Variants in BMP2K observed in about 807,000 individuals in gnomAD.
BMP2K encodes the protein BMP-2-inducible protein kinase.
Under a neutral mutation model 116.0 loss-of-function variants are expected in BMP2K, and 74 were observed. The observed-to-expected ratio is 0.64, with a 90% CI of 0.53 to 0.77. The LOEUF (loss-of-function observed/expected upper bound fraction) is 0.77. BMP2K is among the 30% of genes least tolerant of loss of function. BMP2K has a pLI of 0.00. For synonymous variants in BMP2K, 486 were observed against 502.5 expected (o/e 0.97, Z 0.44); for missense variants, 1,365 against 1,403.6 (o/e 0.97, Z 0.44).
intron 3 of BMP2K, among the ~76,000 whole-genome samples, chr4:78,835,111 G>A (rs567877713): frequency 6.6e-6 from 1 of 152,230 alleles, no homozygotes; most frequent in South Asian, 2.1e-4. Flanking sequence ...TAATTTAATT[G>A]TCACTTAGAA....
intron 7 of BMP2K, among the ~76,000 whole-genome samples, chr4:78,856,136 G>GGA (rs1731495993): frequency 6.6e-6 from 1 of 152,066 alleles, no homozygotes. Flanking sequence ...ATTATTTGCA[G>GGA]GAGAAAATGG....
chr4:78,852,537 C>T (rs1200794375), intron 7 of BMP2K, among the ~76,000 whole-genome samples: 1 of 152,024 alleles, frequency 6.6e-6, no homozygotes, highest in African/African-American at 2.4e-5. Context: ...GATTTTAAAA[C>T]CATAACTTAC....
chr4:78,875,604 T>A (rs546891098), intron 13 of BMP2K, among the ~76,000 whole-genome samples: 2 of 152,350 alleles, frequency 1.3e-5, no homozygotes, highest in African/African-American at 4.8e-5. Context: ...CAGTTAACAT[T>A]TATTATCTTA....
At chr4:78,866,537 G>T (rs1428294038) in intron 10 of BMP2K, among the ~76,000 whole-genome samples, 1 of 152,078 alleles carries the variant, frequency 6.6e-6, no homozygotes, top group Non-Finnish European at 1.5e-5. Flanking sequence ...GGATTAAATG[G>T]CTGTTTAATG....
Position 78,861,479 on chromosome 4 carries a change from C to T in BMP2K, c.1067+11C>T. ...CCAAATAAAAGCCAGGTAGGCAAAA[C>T]TATGCTGAAATTGAAAAGGCATTAA... On this transcript the variant is annotated intron_variant, in intron 9 of 15. Coordinates refer to ENST00000502613, the MANE Select transcript of BMP2K (RefSeq NM_198892.2). The T allele has an allele frequency of 6.3e-7, 1 of 1,594,248 alleles. No individual in the cohort carries two copies.
chr4:78,842,328 T>C, intron 3 of BMP2K, 57 bp from the exon 4 acceptor site: 1 of 1,454,600 alleles, frequency 6.9e-7, no homozygotes. Context: ...CTTAATTTGC[T>C]TGTGATAGAC....
intron 9 of BMP2K, among the ~76,000 whole-genome samples, chr4:78,863,366 A>T (rs1731887316): frequency 6.6e-6 from 1 of 152,132 alleles, no homozygotes. Flanking sequence ...CCACGTTTTC[A>T]AAAAGCGCCT....
intron 2 of BMP2K, among the ~76,000 whole-genome samples, chr4:78,830,204 C>T (rs538749234): frequency 1.3e-5 from 2 of 152,054 alleles, no homozygotes; most frequent in South Asian, 2.1e-4. Context: ...TGTACATTTC[C>T]GTCAGAGCTC....
At chr4:78,847,061 A>G in intron 5 of BMP2K, 127 bp from the exon 6 acceptor site, 1 of 384,672 alleles carries the variant, frequency 2.6e-6, no homozygotes, top group Non-Finnish European at 4.5e-6. Flanking sequence ...AAATAGTATT[A>G]CTCTATATAA....
chr4:78,838,703 C>T (rs17003464), intron 3 of BMP2K, among the ~76,000 whole-genome samples: 26,070 of 152,062 alleles, frequency 0.17, 4,547 homozygotes, highest in African/African-American at 0.45. Flanking sequence ...GGGACATTGG[C>T]TTTTATTATG....
intron 15 of BMP2K, among the ~76,000 whole-genome samples, chr4:78,895,144 T>TA (rs1310984514): frequency 6.6e-6 from 1 of 152,174 alleles, no homozygotes; most frequent in East Asian, 1.9e-4. Context: ...GAATGTGACA[T>TA]AGAGACACAA....
intron 1 of BMP2K, among the ~76,000 whole-genome samples, chr4:78,794,255 T>C (rs2109940011): frequency 6.6e-6 from 1 of 152,262 alleles, no homozygotes; most frequent in Non-Finnish European, 1.5e-5. Context: ...TGATATGCAT[T>C]CTTGACCTCT....
intron 1 of BMP2K, among the ~76,000 whole-genome samples, chr4:78,796,503 A>T (rs1050003403): frequency 1.3e-5 from 2 of 151,666 alleles, no homozygotes; most frequent in Non-Finnish European, 2.9e-5. Flanking sequence ...AACCTGCACA[A>T]TGTGCACATG....
chr4:78,787,187 C>A (rs115634774), intron 1 of BMP2K, among the ~76,000 whole-genome samples: 1,576 of 152,202 alleles, frequency 0.01, 11 homozygotes, highest in Non-Finnish European at 0.017. Context: ...TGGATAGCAG[C>A]CATATTTGAC....
intron 15 of BMP2K, among the ~76,000 whole-genome samples, chr4:78,904,938 T>G (rs1207163481): frequency 1.3e-5 from 2 of 151,898 alleles, no homozygotes; most frequent in South Asian, 2.1e-4. Flanking sequence ...GTTCTTGGTT[T>G]GAAAGTAGGA....
chr4:78,803,429 T>A (rs1034714601), intron 1 of BMP2K, among the ~76,000 whole-genome samples: 1 of 152,188 alleles, frequency 6.6e-6, no homozygotes. Flanking sequence ...AGAGTCTTGC[T>A]CTGTCACCCA....
intron 6 of BMP2K, 142 bp downstream of exon 6, chr4:78,847,411 A>C (rs1485046623): frequency 2.9e-5 from 12 of 416,500 alleles, no homozygotes; most frequent in Admixed American, 4.5e-5. Context: ...TACTTGGGAG[A>C]AGAAAAGTAC....
chr4:78,818,124 G>GAT (rs1729446116), intron 1 of BMP2K, among the ~76,000 whole-genome samples: 1 of 151,996 alleles, frequency 6.6e-6, no homozygotes, highest in African/African-American at 2.4e-5. Context: ...TTTAAAAAAA[G>GAT]ATATATATAT....
intron 1 of BMP2K, among the ~76,000 whole-genome samples, chr4:78,806,391 T>G (rs898573677): frequency 6.6e-6 from 1 of 152,130 alleles, no homozygotes; most frequent in Non-Finnish European, 1.5e-5. Context: ...TTGTGCAGGC[T>G]GGCCTTGAAC....
Sources: allele counts gnomAD v4.1 joint callset (sites outside exome capture counted in the v4.1 genomes callset), GRCh38; gene constraint gnomAD v4.1.1; transcripts MANE v1.5; gene names NCBI Gene and HGNC (gene_info 2026-07-23, HGNC 2026-07-21).